The following CARD8 variants were observed in gnomAD, a reference collection of about 807,000 sequenced individuals.
The protein encoded by CARD8 is caspase recruitment domain family member 8, also known as caspase recruitment domain-containing protein 8.
CARD8 carries 38 observed loss-of-function variants against 53.2 expected under a neutral mutation model. The ratio of observed to expected loss-of-function variants is 0.71; its 90% confidence interval spans 0.55 to 0.94. The LOEUF (loss-of-function observed/expected upper bound fraction) is 0.94. CARD8 is among the 40% of genes least tolerant of loss of function. The pLI, the probability that CARD8 is intolerant of heterozygous loss-of-function variation, is 0.00. For missense variants in CARD8, 561 were observed against 655.5 expected, an observed-to-expected ratio of 0.86 and a Z score of 1.57; for synonymous variants, 245 against 244.9, an observed-to-expected ratio of 1.00 and a Z score of 0.00.
intron 1 of CARD8, among the ~76,000 whole-genome samples, chr19:48,251,265 G>C (rs1040047710): frequency 6.6e-6 from 1 of 152,180 alleles, no homozygotes; most frequent in Admixed American, 6.5e-5. Context: ...AGAAAAGGTC[G>C]AATTAAGTGA....
intron 3 of CARD8, among the ~76,000 whole-genome samples, chr19:48,246,843 T>C (rs2046200757): frequency 6.6e-6 from 1 of 152,214 alleles, no homozygotes; most frequent in Non-Finnish European, 1.5e-5. Flanking sequence ...CATTCTGATA[T>C]TGCTGATGGG....
At chr19:48,233,413 G>A (rs753987040) in intron 6 of CARD8, 6 of 456,200 alleles carry the variant, frequency 1.3e-5, no homozygotes, top group African/African-American at 4.0e-5. Context: ...ACCTAGAGAA[G>A]TGGGATGAAG....
chr19:48,233,388 T>C (rs766377517), intron 6 of CARD8: 4 of 456,110 alleles, frequency 8.8e-6, no homozygotes, highest in South Asian at 6.2e-5. Flanking sequence ...TGGATTAGGT[T>C]TAAAAAGAAC....
intron 5 of CARD8, among the ~76,000 whole-genome samples, chr19:48,235,815 T>C (rs1184894923): frequency 6.8e-6 from 1 of 147,346 alleles, no homozygotes; most frequent in African/African-American, 2.5e-5. Flanking sequence ...AACCAAACTG[T>C]AGAAAAAAAT....
At chr19:48,228,798 A>T (rs1410421913) in intron 10 of CARD8, among the ~76,000 whole-genome samples, 1 of 152,070 alleles carries the variant, frequency 6.6e-6, no homozygotes, top group African/African-American at 2.4e-5. Flanking sequence ...ACATAAGGGA[A>T]GAGGGAAAGG....
intron 7 of CARD8, chr19:48,232,172 C>T: frequency 1.8e-6 from 1 of 564,764 alleles, no homozygotes; most frequent in South Asian, 2.0e-5. Context: ...AGAAAAGTAT[C>T]GAACTCCAAA....
At chr19:48,222,543 G>A (rs562336721) in intron 10 of CARD8, among the ~76,000 whole-genome samples, 1 of 152,262 alleles carries the variant, frequency 6.6e-6, no homozygotes, top group South Asian at 2.1e-4. Flanking sequence ...ATAAAAATTA[G>A]CCGGGCGTGG....
intron 10 of CARD8, among the ~76,000 whole-genome samples, chr19:48,226,276 T>A (rs903545384): frequency 6.6e-6 from 1 of 152,200 alleles, no homozygotes; most frequent in East Asian, 1.9e-4. Flanking sequence ...TTGCCTGGAG[T>A]GCAGTGGCAA....
chr19:48,250,178 G>C (rs1600745162), intron 1 of CARD8, among the ~76,000 whole-genome samples: 1 of 152,194 alleles, frequency 6.6e-6, no homozygotes, highest in South Asian at 2.1e-4. Flanking sequence ...TTTGGGAATA[G>C]AGCATTGCAA....
intron 12 of CARD8, among the ~76,000 whole-genome samples, chr19:48,216,430 C>T (rs2039310572): frequency 6.6e-6 from 1 of 152,136 alleles, no homozygotes; most frequent in Non-Finnish European, 1.5e-5. Flanking sequence ...AGACATTTTA[C>T]CGACTGGAGG....
At chr19:48,241,987 AT>A (rs1395164553) in intron 3 of CARD8, among the ~76,000 whole-genome samples, 2 of 152,104 alleles carry the variant, frequency 1.3e-5, no homozygotes, top group African/African-American at 4.8e-5. Flanking sequence ...GGCACTCCCC[AT>A]TCCCCACAGG....
intron 5 of CARD8, among the ~76,000 whole-genome samples, chr19:48,237,823 G>A (rs1176526323): frequency 1.3e-5 from 2 of 151,574 alleles, no homozygotes; most frequent in Non-Finnish European, 2.9e-5. Context: ...AAGTATTATC[G>A]TGAGGGGAAA....
In CARD8 at chr19:48,230,751, C is replaced by G. The variant is rs563466972; in HGVS notation, c.772+26G>C. The G allele has an allele frequency of 1.3e-5, 21 of 1,612,840 alleles. No individual in the cohort carries two copies. The East Asian group carries it at 1.8e-4, about 14-fold the overall frequency. ...AGACGGCACGCACCCCAGCGGCCCC[C>G]ACAGCCTCCGCTCACCCCACATTAC... On this transcript the variant is annotated intron_variant, in intron 9 of 13. Coordinates refer to ENST00000651546, the MANE Select transcript of CARD8 (RefSeq NM_001184900.3).
intron 10 of CARD8, among the ~76,000 whole-genome samples, chr19:48,229,071 G>A (rs111988626): frequency 1.2e-4 from 18 of 152,124 alleles, no homozygotes; most frequent in Admixed American, 3.3e-4. Context: ...CCCGGGAGGC[G>A]GAGGTTTCAG....
At chr19:48,233,673 C>T (rs548884295) in intron 6 of CARD8, 47 of 246,146 alleles carry the variant, frequency 1.9e-4, no homozygotes, top group African/African-American at 1.0e-3. Flanking sequence ...CGCTGAACTG[C>T]AGACAGCGCA....
At chr19:48,216,882 T>C (rs1198661457) in intron 12 of CARD8, among the ~76,000 whole-genome samples, 5 of 152,152 alleles carry the variant, frequency 3.3e-5, no homozygotes, top group Admixed American at 6.5e-5. Flanking sequence ...TATTATTACA[T>C]TGTAATGTAT....
downstream of CARD8, among the ~76,000 whole-genome samples, chr19:48,207,748 T>TTTTTTTTTTTTTTTTTTTTTTTTTTTA (rs2037456174): frequency 1.5e-5 from 1 of 66,574 alleles, no homozygotes; most frequent in Non-Finnish European, 5.8e-5. Flanking sequence ...TTTTTTTTTT[T>TTTTTTTTTTTTTTTTTTTTTTTTTTTA]TTTTTGAGAC....
intron 7 of CARD8, 155 bp from the exon 8 acceptor site, chr19:48,231,965 CCAGA>C (rs1448054112): frequency 4.2e-6 from 3 of 721,784 alleles, no homozygotes. Flanking sequence ...TTCTTTGAAT[CCAGA>C]CAAAGAAAGG....
chr19:48,234,593 AT>A, intron 5 of CARD8, 50 bp from the exon 6 acceptor site: 3 of 1,526,914 alleles, frequency 2.0e-6, no homozygotes, highest in Non-Finnish European at 2.7e-6. Context: ...TAGGTGCCTG[AT>A]GATAGCATAG....
Sources: gnomAD v4.1 joint callset for allele counts (sites outside exome capture counted in the v4.1 genomes callset) on GRCh38, gnomAD v4.1.1 for gene constraint, MANE v1.5 for transcripts, NCBI Gene and HGNC (gene_info 2026-07-23, HGNC 2026-07-21) for gene names.